Variants in SCAP observed in about 807,000 individuals in gnomAD.
SCAP encodes sterol regulatory element-binding protein cleavage-activating protein.
A neutral mutation model predicts 123.6 loss-of-function variants in SCAP; 65 were observed. The ratio of observed to expected loss-of-function variants is 0.53; its 90% CI spans 0.43 to 0.65. The LOEUF is 0.65. SCAP is among the 30% of genes least tolerant of loss of function. The pLI is 0.00. For synonymous variants in SCAP, 740 were observed against 726.3 expected, an observed-to-expected ratio of 1.02 and a Z score of -0.30; for missense variants, 1,398 against 1,712.5, an observed-to-expected ratio of 0.82 and a Z score of 3.24.
At chr3:47,427,417 A>G (rs1559547951) in intron 5 of SCAP, 30 bp downstream of exon 5, 2 of 1,606,408 alleles carry the variant, frequency 1.2e-6, no homozygotes, top group Non-Finnish European at 1.7e-6. Context: ...GCACCTTTAC[A>G]GGTCTGAAGG....
Position 47,418,448 on chromosome 3 carries a change from G to T in SCAP, c.2204C>A (p.Pro735Gln). The T allele has an allele frequency of 6.3e-7, 1 of 1,595,210 alleles. No homozygotes were observed. Among genetic ancestry groups the T allele is most frequent in the African/African-American group, 1.3e-5 (1 of 74,744 alleles). ...ACCACCCAGCTGCCCGTAGTTGCGC[G>T]GGCATAGCACGCGGTAGAGGCAGAG... ...LLLCLYRVLC[P>Q]RNYGQLGGGP... is the part of the protein sequence containing the mutation. Residue 735 changes from proline (P) to glutamine (Q), a missense_variant, in exon 15 of 23, where the codon CCG (proline) becomes CAG (glutamine). Pro to Gln is a moderately conservative substitution (Grantham distance 76). This residue lies in a region of SCAP where 828 missense variants were observed against 882.5 expected (regional missense o/e 0.94). Transcript: ENST00000265565.
chr3:47,472,867 G>A (rs2108038622), intron 1 of SCAP, among the ~76,000 whole-genome samples: 1 of 152,118 alleles, frequency 6.6e-6, no homozygotes, highest in South Asian at 2.1e-4. Context: ...GATCACCTGA[G>A]ATCGGGAGTC....
At chr3:47,438,981 T>C (rs1706696171) in intron 2 of SCAP, among the ~76,000 whole-genome samples, 1 of 152,260 alleles carries the variant, frequency 6.6e-6, no homozygotes, top group African/African-American at 2.4e-5. Flanking sequence ...ATAATAACAA[T>C]GAAAAACTCA....
In SCAP at chr3:47,420,749, C is replaced by A; in HGVS notation, c.1368G>T (p.Leu456=). 6.2e-7 allele frequency: 1 copy of A among 1,610,730 alleles called. No individual in the cohort carries two copies. The change falls in exon 12 of 23, where the codon CTG becomes CTT. Residue 456 remains leucine, a synonymous_variant. Transcript: ENST00000265565. The surrounding 1 kb of genome is among the most constrained non-coding windows in gnomAD (Gnocchi z 5.0). ...RMELADLNKR[L]PPEACLPSAK... is the part of the protein sequence containing the mutation. ...CTGAGGGCAGGCAGGCCTCAGGGGG[C>A]AGTCGCTTGTTCAGGTCTGCTAGCT...
chr3:47,453,252 C>T (rs146922451), intron 1 of SCAP, among the ~76,000 whole-genome samples: 442 of 152,192 alleles, frequency 2.9e-3, no homozygotes, highest in Middle Eastern at 0.01. Flanking sequence ...AAAATAAAGA[C>T]CTGCTTATGG....
chr3:47,417,574 G>T lies in SCAP; in HGVS notation c.2700C>A (p.Val900=). The T allele has an allele frequency of 6.3e-7, 1 of 1,590,230 alleles. No individual in the cohort carries two copies. The highest frequency in any genetic ancestry group is 1.1e-5 in the South Asian group (1 of 87,914). ...PTQPEPRHRA[V]CGRSRDSPGY... is the part of the protein sequence containing the mutation. Reference sequence around the variant, plus strand: ...CTGGGGAGTCCCGAGAGCGGCCACAGACCGCCCGGTGCCGGGGCTCGGGCT... The same window carrying T: ...CTGGGGAGTCCCGAGAGCGGCCACATACCGCCCGGTGCCGGGGCTCGGGCT... Residue 900 remains valine, a synonymous_variant, in exon 17 of 23, where the codon GTC becomes GTA. Transcript: ENST00000265565.
Position 47,462,316 on chromosome 3 carries a change from C to T in SCAP, c.-99+13483G>A, listed in dbSNP as rs556999098. 2.6e-5 allele frequency among the ~76,000 whole-genome samples: 4 copies of T among 152,260 alleles called. No individual in the cohort carries two copies. In the South Asian group the frequency reaches 8.3e-4, roughly 32 times the overall value. On this transcript the variant is annotated intron_variant, in intron 1 of 22. Transcript: ENST00000265565. Reference sequence around the variant, plus strand: ...ACTTGTCAAAGGTTTTTCTGTAAAACAGTCATCTGACAGCCTCTGCCCCAT... The same window carrying T: ...ACTTGTCAAAGGTTTTTCTGTAAAATAGTCATCTGACAGCCTCTGCCCCAT...
chr3:47,465,587 A>T (rs1707794199), intron 1 of SCAP, among the ~76,000 whole-genome samples: 1 of 151,972 alleles, frequency 6.6e-6, no homozygotes, highest in Non-Finnish European at 1.5e-5. Flanking sequence ...TGGGCAACAC[A>T]GTGAGACTCC....
intron 1 of SCAP, among the ~76,000 whole-genome samples, chr3:47,463,529 T>C (rs563462946): frequency 1.3e-5 from 2 of 152,054 alleles, no homozygotes; most frequent in South Asian, 4.2e-4. Context: ...TAGTGAAACC[T>C]TGTGTCTACT....
At chr3:47,464,804 TCTCAA>T (rs1707766527) in intron 1 of SCAP, among the ~76,000 whole-genome samples, 1 of 152,152 alleles carries the variant, frequency 6.6e-6, no homozygotes, top group Non-Finnish European at 1.5e-5. Flanking sequence ...TCTCCAGGCA[TCTCAA>T]CTGGACAGGA....
rs1310759164 is a variant in SCAP at position 47,427,660 on chromosome 3, T to G, written c.418A>C (p.Ile140Leu). 10 of 1,613,886 alleles carry G rather than the reference T, an allele frequency of 6.2e-6. No homozygotes were observed. Among genetic ancestry groups the G allele is most frequent in the Non-Finnish European group, 8.5e-6 (10 of 1,179,886 alleles). ...RNHVLRDSSG[I>L]RSLEELCLQV... ...AGACACAACTCCTCCAAGCTCCTGATCCCAGAGCTGCACAGGAGACAGGAC... is the reference window on the plus strand; with the variant it reads ...AGACACAACTCCTCCAAGCTCCTGAGCCCAGAGCTGCACAGGAGACAGGAC... The change falls in exon 5 of 23, where the codon ATC (isoleucine) becomes CTC (leucine). Residue 140 changes from isoleucine to leucine, a missense_variant. Transcript: ENST00000265565.
At chr3:47,462,740 C>G (rs1410910429) in intron 1 of SCAP, among the ~76,000 whole-genome samples, 1 of 121,918 alleles carries the variant, frequency 8.2e-6, no homozygotes, top group African/African-American at 3.2e-5. Context: ...GCAATAAGAG[C>G]GAAACTCCGT....
At position 47,465,931 on chromosome 3, in the gene SCAP, G is replaced by A. The variant is rs571583594; in HGVS notation, c.-99+9868C>T. The stretch of plus-strand genomic sequence containing the variant: ...AGGTGGGTCATGAGGTCAAGAGATC[G>A]AGACCATCTTGGCCAACATGGTGAA... On this transcript the variant is annotated intron_variant, in intron 1 of 22. Coordinates refer to ENST00000265565, the MANE Select transcript of SCAP (RefSeq NM_012235.4). Among the ~76,000 whole-genome samples the A allele has an allele frequency of 9.9e-5, 15 of 151,692 alleles. 1 individual carries two copies. Among genetic ancestry groups the A allele is most frequent in the Admixed American group, 4.6e-4 (7 of 15,224 alleles).
At chr3:47,471,952 C>T (rs1335533480) in intron 1 of SCAP, among the ~76,000 whole-genome samples, 1 of 150,708 alleles carries the variant, frequency 6.6e-6, no homozygotes, top group African/African-American at 2.4e-5. Context: ...ACCAGCCTAA[C>T]CAATATGGTG....
intron 1 of SCAP, among the ~76,000 whole-genome samples, chr3:47,470,263 G>C (rs1559573926): frequency 6.6e-6 from 1 of 152,118 alleles, no homozygotes; most frequent in African/African-American, 2.4e-5. Context: ...TGTAGGCTCA[G>C]GTAAGAAGAT....
rs1161251740 is a variant in SCAP, at chr3:47,418,937, G to A, written c.1941-94C>T. The A allele has an allele frequency of 5.4e-6, 7 of 1,305,558 alleles. No homozygotes were observed. The East Asian group carries it at 1.8e-4, about 34-fold the overall frequency. 80.9% of individuals were successfully genotyped at this position (1,305,558 alleles called of 1,614,324 possible). On this transcript the variant is annotated intron_variant, in intron 13 of 22. Coordinates refer to ENST00000265565, the MANE Select transcript of SCAP (RefSeq NM_012235.4). ...CAGTCCTCTCCCTCCTCCCCAGGCA[G>A]GCCTCAGCTCCACCGGCCAGACTCT...
chr3:47,476,097 C>CGGGCCGGGCG (rs1351618032), upstream of SCAP: 1 of 152,068 alleles, frequency 6.6e-6, no homozygotes, highest in Non-Finnish European at 1.5e-5. Context: ...CGGGCCGGGC[C>CGGGCCGGGCG]GGGCCGGGCG....
chr3:47,476,573 C>A (rs1708277597), upstream of SCAP, among the ~76,000 whole-genome samples: 1 of 152,166 alleles, frequency 6.6e-6, no homozygotes, highest in Non-Finnish European at 1.5e-5. Flanking sequence ...CATAAGTTGA[C>A]ATTTAACCAT....
Position 47,422,738 on chromosome 3 carries a change from CGG to C in SCAP, c.1151-204_1151-203del. The C allele has an allele frequency of 8.0e-6, 4 of 499,086 alleles. No individual in the cohort carries two copies. The South Asian group carries it at 1.3e-4, about 16-fold the overall frequency. The allele number at this position is 499,086 out of a possible 1,614,324, so 30.9% of individuals were successfully genotyped here. A position where few individuals can be genotyped will look rare whatever the true frequency, so the allele number is the denominator to read the frequency against. On this transcript the variant is annotated intron_variant, in intron 9 of 22. Coordinates refer to ENST00000265565, the MANE Select transcript of SCAP (RefSeq NM_012235.4). ...GGCCATCACCACCACACAGCTGCTA[CGG>C]GGAACGGGTGTTCACAGCCTGGAGG...
Sources: gnomAD v4.1 joint callset for allele counts (sites outside exome capture counted in the v4.1 genomes callset) on GRCh38, gnomAD v4.1.1 for gene constraint, gnomAD v4.1.1 regional missense constraint, Gnocchi (gnomAD v3.1) non-coding constraint, MANE v1.5 for transcripts, NCBI Gene and HGNC (gene_info 2026-07-23, HGNC 2026-07-21) for gene names.